Variants in CLNK observed in about 807,000 individuals in gnomAD.
CLNK encodes cytokine dependent hematopoietic cell linker.
A neutral mutation model predicts 68.6 loss-of-function variants in CLNK; 74 were observed. That is an observed-to-expected ratio of 1.08 (90% CI 0.89 to 1.31). The LOEUF (loss-of-function observed/expected upper bound fraction) is 1.31, where lower values mean the gene tolerates loss of function less well. CLNK is among the 50% of genes most tolerant of loss of function. The probability of loss-of-function intolerance (pLI) is 0.00; values close to 1 mark genes in which losing one functional copy is unlikely to be tolerated. For synonymous variants in CLNK, 198 were observed against 172.2 expected, an observed-to-expected ratio of 1.15 and a Z score of -1.17; for missense variants, 553 against 515.3, an observed-to-expected ratio of 1.07 and a Z score of -0.71.
intron 2 of CLNK, among the ~76,000 whole-genome samples, chr4:10,657,756 A>G (rs1195414705): frequency 6.6e-6 from 1 of 152,222 alleles, no homozygotes; most frequent in African/African-American, 2.4e-5. Context: ...ACAGGATTTT[A>G]AAAATTGTCA....
chr4:10,671,887 C>G (rs558533706), intron 1 of CLNK, among the ~76,000 whole-genome samples: 2 of 152,306 alleles, frequency 1.3e-5, no homozygotes, highest in African/African-American at 4.8e-5. Flanking sequence ...CAGCTTCCCC[C>G]CAACTTAGTT....
intron 2 of CLNK, among the ~76,000 whole-genome samples, chr4:10,637,056 A>G (rs1577187477): frequency 6.6e-6 from 1 of 152,190 alleles, no homozygotes; most frequent in South Asian, 2.1e-4. Context: ...CCCATTGCAG[A>G]TAGACTGCAG....
chr4:10,541,459 C>A (rs993322764), intron 10 of CLNK, among the ~76,000 whole-genome samples: 4 of 152,016 alleles, frequency 2.6e-5, no homozygotes, highest in Admixed American at 2.6e-4. Context: ...CATACTATGG[C>A]AGAGGTGCTC....
intron 2 of CLNK, among the ~76,000 whole-genome samples, chr4:10,605,496 G>C (rs1030394429): frequency 7.9e-5 from 12 of 152,044 alleles, no homozygotes; most frequent in African/African-American, 2.7e-4. Flanking sequence ...TCTAAAAATA[G>C]AAAGGTACAG....
intron 2 of CLNK, among the ~76,000 whole-genome samples, chr4:10,628,709 T>C (rs944410302): frequency 1.3e-5 from 2 of 152,192 alleles, no homozygotes; most frequent in Non-Finnish European, 2.9e-5. Context: ...CCCCAAAATA[T>C]GATGCTTTGT....
chr4:10,518,322 T>A (rs1354351282), intron 15 of CLNK, among the ~76,000 whole-genome samples: 1 of 152,208 alleles, frequency 6.6e-6, no homozygotes, highest in African/African-American at 2.4e-5. Flanking sequence ...GTGTTGCTAA[T>A]ATTGCTAGAG....
the CLNK span, among the ~76,000 whole-genome samples, chr4:10,693,799 G>A: frequency 1.3e-5 from 2 of 152,126 alleles, no homozygotes; most frequent in East Asian, 3.8e-4. Flanking sequence ...AATCCACAGT[G>A]AAACAATTGT....
intron 2 of CLNK, among the ~76,000 whole-genome samples, chr4:10,632,864 A>G (rs1488180961): frequency 1.3e-5 from 2 of 152,206 alleles, no homozygotes; most frequent in Admixed American, 6.5e-5. Flanking sequence ...ATACCTCAAA[A>G]TTGGCCCAAA....
In CLNK at chr4:10,522,609, A is replaced by T. The variant is rs185124000; in HGVS notation, c.732-1778T>A. Among the ~76,000 whole-genome samples, 11 of 152,202 alleles carry T rather than the reference A, an allele frequency of 7.2e-5. No individual in the cohort carries two copies. In the East Asian group the frequency reaches 2.1e-3, roughly 29 times the overall value. Reference sequence around the variant, plus strand: ...AAAAAAAGAAAGAAAGAAAATAAAAATGATGACTCTTTTGTTTAACAAACG... The same window carrying T: ...AAAAAAAGAAAGAAAGAAAATAAAATTGATGACTCTTTTGTTTAACAAACG... On this transcript the variant is annotated intron_variant, in intron 14 of 18. Transcript: ENST00000226951.
chr4:10,582,397 T>C (rs1349640899), intron 4 of CLNK, among the ~76,000 whole-genome samples: 1 of 152,198 alleles, frequency 6.6e-6, no homozygotes, highest in African/African-American at 2.4e-5. Flanking sequence ...AAAAGTAGTA[T>C]TTTCCCTGAC....
Position 10,528,064 on chromosome 4 carries a change from T to C in CLNK, c.649+12A>G. On this transcript the variant is annotated intron_variant, in intron 13 of 18. Transcript: ENST00000226951. ...TAGTATTAGGGTAAGAAAACAAATG[T>C]AAACAATTCACCTTTTTCTGCTTCA... The C allele has an allele frequency of 7.4e-7, 1 of 1,345,452 alleles. No individual in the cohort carries two copies. The highest frequency in any genetic ancestry group is 9.8e-7 in the Non-Finnish European group (1 of 1,022,066). 83.3% of individuals were successfully genotyped at this position (1,345,452 alleles called of 1,614,324 possible). A position where few individuals can be genotyped will look rare whatever the true frequency, so the allele number is the denominator to read the frequency against.
At chr4:10,692,334 C>T in the CLNK span, among the ~76,000 whole-genome samples, 1 of 152,120 alleles carries the variant, frequency 6.6e-6, no homozygotes. Flanking sequence ...GATCACTTGC[C>T]CTTGCCAGTA....
At chr4:10,492,558 T>A (rs191014201) in intron 18 of CLNK, among the ~76,000 whole-genome samples, 1 of 152,332 alleles carries the variant, frequency 6.6e-6, no homozygotes, top group East Asian at 1.9e-4. Context: ...CCGTTGAGGC[T>A]TAAGAACTTC....
chr4:10,613,151 A>G (rs1722097071), intron 2 of CLNK, among the ~76,000 whole-genome samples: 1 of 152,226 alleles, frequency 6.6e-6, no homozygotes. Context: ...GGACAACAAT[A>G]ACAGTAAACA....
At chr4:10,732,721 G>A in the CLNK span, among the ~76,000 whole-genome samples, 1 of 147,692 alleles carries the variant, frequency 6.8e-6, no homozygotes, top group Non-Finnish European at 1.5e-5. Flanking sequence ...ACAGCAACTC[G>A]AGGACCAAAA....
At chr4:10,535,785 A>T (rs1232544758) in intron 11 of CLNK, among the ~76,000 whole-genome samples, 1 of 152,052 alleles carries the variant, frequency 6.6e-6, no homozygotes, top group Non-Finnish European at 1.5e-5. Context: ...ATCTGTATTG[A>T]AGTTATTTAT....
intron 12 of CLNK, among the ~76,000 whole-genome samples, chr4:10,529,913 TTTA>T (rs1288174319): frequency 2.6e-5 from 4 of 152,216 alleles, no homozygotes; most frequent in African/African-American, 9.6e-5. Context: ...CTGTAACTTT[TTTA>T]TTGTTAGAAA....
chr4:10,639,426 G>A (rs1369759445), intron 2 of CLNK, among the ~76,000 whole-genome samples: 1 of 152,220 alleles, frequency 6.6e-6, no homozygotes, highest in Non-Finnish European at 1.5e-5. Context: ...CTGGGTGAGA[G>A]GGGGCTGCCT....
chr4:10,613,869 C>G (rs1229554132), intron 2 of CLNK, among the ~76,000 whole-genome samples: 1 of 151,856 alleles, frequency 6.6e-6, no homozygotes, highest in African/African-American at 2.4e-5. Flanking sequence ...GTTCATCTGA[C>G]TCTGTGGCTT....
Sources: allele counts gnomAD v4.1 joint callset (sites outside exome capture counted in the v4.1 genomes callset), GRCh38; gene constraint gnomAD v4.1.1; transcripts MANE v1.5; gene names NCBI Gene and HGNC (gene_info 2026-07-23, HGNC 2026-07-21).